The following C11orf65 variants were observed in gnomAD, a reference collection of about 807,000 sequenced individuals.
C11orf65 encodes chromosome 11 open reading frame 65.
Under a neutral mutation model 35.3 loss-of-function variants are expected in C11orf65, and 38 were observed. That is an observed-to-expected ratio of 1.08 (90% confidence interval 0.83 to 1.41). The LOEUF is 1.41. C11orf65 is among the 40% of genes most tolerant of loss of function. C11orf65 has a pLI of 0.00. For missense variants in C11orf65, 370 were observed against 367.1 expected, an observed-to-expected ratio of 1.01 and a Z score of -0.06; for synonymous variants, 105 against 114.4, an observed-to-expected ratio of 0.92 and a Z score of 0.53.
chr11:108,449,439 T>C (rs2093314936), intron 2 of C11orf65, among the ~76,000 whole-genome samples: 1 of 151,900 alleles, frequency 6.6e-6, no homozygotes, highest in African/African-American at 2.4e-5. Flanking sequence ...AAAACAGAGA[T>C]ATAGATCAAT....
At chr11:108,469,213 T>TA (rs35050634), upstream of C11orf65, among the ~76,000 whole-genome samples, 4,050 of 132,186 alleles carry the variant, frequency 0.031, 200 homozygotes, top group East Asian at 0.15. Flanking sequence ...AGATTCCCTC[T>TA]AAAAAAAAAA....
chr11:108,422,881 C>CA (rs769411381), intron 3 of C11orf65, among the ~76,000 whole-genome samples: 1,457 of 92,032 alleles, frequency 0.016, 18 homozygotes, highest in African/African-American at 0.051. Context: ...GACTCTGTCT[C>CA]AAAAAAAAAA....
At chr11:108,397,348 G>C (rs1591462148) in intron 6 of C11orf65, among the ~76,000 whole-genome samples, 1 of 148,674 alleles carries the variant, frequency 6.7e-6, no homozygotes, top group Non-Finnish European at 1.5e-5. Context: ...CATAAAATTT[G>C]TCTTCGTAGG....
intron 3 of C11orf65, among the ~76,000 whole-genome samples, chr11:108,430,627 T>G (rs1395284000): frequency 6.6e-6 from 1 of 151,948 alleles, no homozygotes; most frequent in East Asian, 1.9e-4. Context: ...GCAGATCACT[T>G]GAGTCCAGGA....
intron 6 of C11orf65, among the ~76,000 whole-genome samples, chr11:108,323,956 GCTCA>G (rs1471838826): frequency 1.3e-5 from 2 of 152,100 alleles, no homozygotes; most frequent in Non-Finnish European, 2.9e-5. Flanking sequence ...ACAGTGCCAT[GCTCA>G]CTAAGTTTTG....
intron 2 of C11orf65, among the ~76,000 whole-genome samples, chr11:108,456,312 A>G (rs762314670): frequency 5.3e-5 from 8 of 152,226 alleles, no homozygotes; most frequent in Non-Finnish European, 1.0e-4. Context: ...TTGGATATCC[A>G]TAAGAAAAAA....
chr11:108,335,992 A>G (rs1410906156), intron 2 of C11orf65: 22 of 1,522,082 alleles, frequency 1.4e-5, no homozygotes, highest in Admixed American at 5.0e-5. Flanking sequence ...TAGTTCACCA[A>G]AAACATATAA....
At chr11:108,432,157 G>A (rs184108063) in intron 2 of C11orf65, among the ~76,000 whole-genome samples, 10 of 152,242 alleles carry the variant, frequency 6.6e-5, no homozygotes, top group Admixed American at 1.3e-4. Flanking sequence ...ACAGACTACT[G>A]ATTAAGAACC....
At chr11:108,373,227 C>A (rs1424885791) in intron 2 of C11orf65, among the ~76,000 whole-genome samples, 5 of 152,248 alleles carry the variant, frequency 3.3e-5, no homozygotes, top group East Asian at 1.9e-4. Flanking sequence ...CAGATTGACT[C>A]AATCAATGTA....
At chr11:108,355,563 A>C (rs189328374) in intron 2 of C11orf65, 247 of 152,954 alleles carry the variant, frequency 1.6e-3, no homozygotes, top group Non-Finnish European at 2.3e-3. Context: ...TGGCCTCCCC[A>C]GGGAAGCATG....
intron 7 of C11orf65, among the ~76,000 whole-genome samples, chr11:108,389,958 C>A (rs368833231): frequency 6.7e-6 from 1 of 149,818 alleles, no homozygotes; most frequent in African/African-American, 2.5e-5. Flanking sequence ...CCTCCCAAAG[C>A]GCTGGGATTA....
At chr11:108,412,380 T>C (rs2092673387) in intron 3 of C11orf65, among the ~76,000 whole-genome samples, 1 of 151,162 alleles carries the variant, frequency 6.6e-6, no homozygotes, top group African/African-American at 2.4e-5. Context: ...ACTATATCAA[T>C]AACTTTAAAT....
chr11:108,443,484 A>T (rs1477935716), intron 2 of C11orf65, among the ~76,000 whole-genome samples: 14 of 152,184 alleles, frequency 9.2e-5, no homozygotes, highest in Non-Finnish European at 1.9e-4. Context: ...CCTCATAGAC[A>T]TCTACAGAAC....
chr11:108,383,322 T>G, intron 8 of C11orf65, 147 bp from the exon 9 acceptor site: 1 of 657,318 alleles, frequency 1.5e-6, no homozygotes, highest in Non-Finnish European at 2.4e-6. Context: ...ACCCCAAATT[T>G]CTGAGTTCAT....
At position 108,338,346 on chromosome 11, in the gene C11orf65, C is replaced by A. The variant is rs531953043; in HGVS notation, c.227-3054G>T. Among the ~76,000 whole-genome samples, 5 of 152,180 alleles carry A rather than the reference C, an allele frequency of 3.3e-5. No homozygotes were observed. In the South Asian group the frequency reaches 1.0e-3, roughly 32 times the overall value. On this transcript the variant is annotated intron_variant, in intron 2 of 3. Transcript: ENST00000524755. ...CAGCCTGGGTGACAGACCGAGACTT[C>A]TTCTCAAAAAAGGAAAAATGTCTAG... is the stretch of plus-strand genomic sequence containing the variant.
At chr11:108,347,204 T>C in intron 2 of C11orf65, 1 of 1,128,732 alleles carries the variant, frequency 8.9e-7, no homozygotes, top group Non-Finnish European at 1.4e-6. Flanking sequence ...TCAGTGGTCT[T>C]AATTGAAATT....
At chr11:108,431,360 A>G (rs2092987360) in intron 3 of C11orf65, among the ~76,000 whole-genome samples, 1 of 152,326 alleles carries the variant, frequency 6.6e-6, no homozygotes, top group East Asian at 1.9e-4. Context: ...AGCTACATAA[A>G]TGTATTGTTG....
chr11:108,396,279 G>A (rs1565643329), intron 6 of C11orf65, among the ~76,000 whole-genome samples: 2 of 151,610 alleles, frequency 1.3e-5, no homozygotes, highest in African/African-American at 4.8e-5. Flanking sequence ...TTTTAGTAGA[G>A]ATGGGGTTTC....
At chr11:108,399,190 T>C (rs1289781236) in intron 6 of C11orf65, among the ~76,000 whole-genome samples, 1 of 152,218 alleles carries the variant, frequency 6.6e-6, no homozygotes, top group Non-Finnish European at 1.5e-5. Context: ...CTTGTCCATC[T>C]GATTACCAAG....
Sources: allele counts gnomAD v4.1 joint callset (sites outside exome capture counted in the v4.1 genomes callset), GRCh38; gene constraint gnomAD v4.1.1; transcripts MANE v1.5; gene names NCBI Gene and HGNC (gene_info 2026-07-23, HGNC 2026-07-21).